EPM2A: variants seen among roughly 807,000 people sequenced by gnomAD.
EPM2A encodes the protein EPM2A glucan phosphatase, laforin.
In EPM2A, 21 loss-of-function variants were observed where a neutral mutation model predicts 26.5. The ratio of observed to expected loss-of-function variants is 0.79; its 90% confidence interval spans 0.56 to 1.14. EPM2A has a LOEUF of 1.14. Among genes scored for constraint, EPM2A ranks in the 50% most tolerant of loss-of-function variants. EPM2A has a pLI of 0.00. For synonymous variants in EPM2A, 217 were observed against 177.6 expected, an observed-to-expected ratio of 1.22 and a Z score of -1.76; for missense variants, 458 against 440.8, an observed-to-expected ratio of 1.04 and a Z score of -0.35.
Position 145,432,126 on chromosome 6 carries a change from T to C in EPM2A, c.556-48029A>G, listed in dbSNP as rs114063595. 2.5e-3 allele frequency among the ~76,000 whole-genome samples: 385 copies of C among 152,304 alleles called. 2 individuals are homozygous for C. The highest frequency in any genetic ancestry group is 8.9e-3 in the African/African-American group (371 of 41,576). ...TATTTCTACCACACCTACAGTTGCT[T>C]TCTCTTCTGAAGTCAAGTCTTGAAC... On this transcript the variant is annotated intron_variant, in intron 4 of 4. Coordinates refer to the EPM2A transcript ENST00000638717.
chr6:145,732,201 TTG>T (rs66889564), intron 1 of EPM2A, among the ~76,000 whole-genome samples: 26,232 of 138,318 alleles, frequency 0.19, 2,906 homozygotes, highest in South Asian at 0.32. Flanking sequence ...CAGCTAAGAC[TTG>T]TGTGTGTGTG....
chr6:145,693,143 G>A (rs997274232), intron 1 of EPM2A, among the ~76,000 whole-genome samples: 1 of 151,934 alleles, frequency 6.6e-6, no homozygotes, highest in African/African-American at 2.4e-5. Context: ...CTGGTTAGCT[G>A]TATTCCTAGG....
At chr6:145,588,690 C>T (rs1781230408) in intron 2 of EPM2A, among the ~76,000 whole-genome samples, 1 of 152,172 alleles carries the variant, frequency 6.6e-6, no homozygotes, top group Admixed American at 6.5e-5. Flanking sequence ...GCACTTACTA[C>T]ATGCCAAGAA....
At chr6:145,562,131 A>G (rs1052398544) in intron 2 of EPM2A, among the ~76,000 whole-genome samples, 1 of 151,392 alleles carries the variant, frequency 6.6e-6, no homozygotes, top group African/African-American at 2.4e-5. Flanking sequence ...CAAAAAGGAA[A>G]AAAAAAAAAA....
At chr6:145,730,340 G>A (rs765274881) in intron 1 of EPM2A, among the ~76,000 whole-genome samples, 1 of 152,304 alleles carries the variant, frequency 6.6e-6, no homozygotes, top group East Asian at 1.9e-4. Flanking sequence ...AGATTATGGG[G>A]AATACCTAAG....
chr6:145,476,270 C>T (rs533287212), intron 4 of EPM2A, among the ~76,000 whole-genome samples: 20 of 152,074 alleles, frequency 1.3e-4, no homozygotes, highest in African/African-American at 4.8e-4. Context: ...TGGGAGCACC[C>T]AGGTATATAA....
At chr6:145,685,985 T>A in intron 2 of EPM2A, 137 bp downstream of exon 2, 1 of 743,118 alleles carries the variant, frequency 1.3e-6, no homozygotes, top group Admixed American at 2.1e-5. Flanking sequence ...TCACTGTAAT[T>A]TTCTCCTCAA....
intron 2 of EPM2A, among the ~76,000 whole-genome samples, chr6:145,570,312 C>T (rs1013652687): frequency 2.6e-5 from 4 of 152,078 alleles, no homozygotes; most frequent in African/African-American, 9.7e-5. Flanking sequence ...ACATAATCTT[C>T]AAATAAAGAC....
Position 145,735,431 on chromosome 6 carries a change from A to T in EPM2A, c.68T>A (p.Val23Glu). The part of the protein sequence containing the change: ...VAGARPELLV[V>E]GSRPELGRWE... The stretch of plus-strand genomic sequence containing the variant: ...ACGCCCCAGCTCGGGCCGCGACCCC[A>T]CCACCAGCAGCTCCGGCCGGGCGCC... The change falls in exon 1 of 4, where the codon GTG (valine) becomes GAG (glutamate). Residue 23 changes from valine to glutamate, a missense_variant. By Grantham distance (121) the Val-to-Glu change is moderately radical. Transcript: ENST00000367519. 8.0e-7 allele frequency: 1 copy of T among 1,255,852 alleles called. No homozygotes were observed. Among genetic ancestry groups the T allele is most frequent in the Admixed American group, 3.1e-5 (1 of 31,986 alleles). The allele number at this position is 1,255,852 out of a possible 1,614,324, so 77.8% of individuals were successfully genotyped here. A position where few individuals can be genotyped will look rare whatever the true frequency, so the allele number is the denominator to read the frequency against.
intron 2 of EPM2A, among the ~76,000 whole-genome samples, chr6:145,526,389 A>C (rs1780273832): frequency 6.6e-6 from 1 of 152,070 alleles, no homozygotes; most frequent in African/African-American, 2.4e-5. Flanking sequence ...CGTCTAGTAG[A>C]ATTCAGTTGT....
At position 145,488,532 on chromosome 6, in the gene EPM2A, A is replaced by T. The variant is rs62439577; in HGVS notation, c.555+13990T>A. On this transcript the variant is annotated intron_variant, in intron 4 of 4. Transcript: ENST00000638717. ...GTGTGTGTGTGTGTGTGAGAGAGAG[A>T]GAGAGAGAGAGAGAGAGATACTTTA... is the stretch of plus-strand genomic sequence containing the variant. Among the ~76,000 whole-genome samples the T allele has an allele frequency of 1.5e-3, 201 of 132,844 alleles. 1 individual carries two copies. Among genetic ancestry groups the T allele is most frequent in the African/African-American group, 4.6e-3 (182 of 39,500 alleles). 87.2% of individuals were successfully genotyped at this position (132,844 alleles called of 152,430 possible).
At chr6:145,540,619 T>C (rs554729935) in intron 2 of EPM2A, among the ~76,000 whole-genome samples, 2 of 152,340 alleles carry the variant, frequency 1.3e-5, no homozygotes, top group East Asian at 3.9e-4. Flanking sequence ...CCTAGACTTC[T>C]GGTCAAGTTT....
At chr6:145,671,358 A>G in intron 2 of EPM2A, 1 of 1,004,634 alleles carries the variant, frequency 1.0e-6, no homozygotes. Flanking sequence ...GGAAAGCACC[A>G]TCTTGAGGCA....
At chr6:145,522,625 G>A (rs1396016678) in intron 2 of EPM2A, among the ~76,000 whole-genome samples, 1 of 152,010 alleles carries the variant, frequency 6.6e-6, no homozygotes, top group Non-Finnish European at 1.5e-5. Context: ...GATTATTACG[G>A]CAATTTCTCA....
intron 4 of EPM2A, among the ~76,000 whole-genome samples, chr6:145,412,214 C>CAA (rs11404849): frequency 0.041 from 4,669 of 113,890 alleles, 151 homozygotes; most frequent in Admixed American, 0.098. Context: ...GACTCTGTCT[C>CAA]AAAAAAAAAA....
chr6:145,458,870 AT>A (rs564505378), intron 4 of EPM2A, among the ~76,000 whole-genome samples: 2 of 151,234 alleles, frequency 1.3e-5, no homozygotes, highest in South Asian at 4.2e-4. Context: ...CCAAATATAC[AT>A]TTTTTTGGAG....
At chr6:145,700,420 A>C (rs556254476) in intron 1 of EPM2A, among the ~76,000 whole-genome samples, 1 of 152,182 alleles carries the variant, frequency 6.6e-6, no homozygotes, top group Admixed American at 6.5e-5. Flanking sequence ...TTCCCTATTC[A>C]TAGCCTGAAC....
At chr6:145,489,529 T>G in intron 4 of EPM2A, 1 of 629,366 alleles carries the variant, frequency 1.6e-6, no homozygotes, top group Non-Finnish European at 2.7e-6. Context: ...ACAAATAGCT[T>G]AACTTTGGTC....
intron 2 of EPM2A, among the ~76,000 whole-genome samples, chr6:145,550,441 T>A (rs1780639719): frequency 6.6e-6 from 1 of 152,022 alleles, no homozygotes; most frequent in African/African-American, 2.4e-5. Flanking sequence ...CCTGTGCACA[T>A]AATGAATTTG....
Sources: allele counts gnomAD v4.1 joint callset (sites outside exome capture counted in the v4.1 genomes callset), GRCh38; gene constraint gnomAD v4.1.1; transcripts MANE v1.5; gene names NCBI Gene and HGNC (gene_info 2026-07-23, HGNC 2026-07-21).